SAMMSON: variants seen among roughly 807,000 people sequenced by gnomAD.
The protein encoded by SAMMSON is survival associated mitochondrial melanoma specific oncogenic non-coding RNA.
At chr3:70,422,390 A>G (rs1204107471) in intron 2 of SAMMSON, among the ~76,000 whole-genome samples, 2 of 152,044 alleles carry the variant, frequency 1.3e-5, no homozygotes, top group African/African-American at 2.4e-5. Flanking sequence ...TGCTTTTACC[A>G]TATTAATATT....
intron 4 of SAMMSON, among the ~76,000 whole-genome samples, chr3:70,210,197 G>C (rs1701329756): frequency 6.6e-6 from 1 of 152,122 alleles, no homozygotes; most frequent in Admixed American, 6.6e-5. Flanking sequence ...ACAATTTTAA[G>C]TATAGCATTT....
At chr3:70,347,854 C>G (rs1197776086) in intron 7 of SAMMSON, among the ~76,000 whole-genome samples, 1 of 152,114 alleles carries the variant, frequency 6.6e-6, no homozygotes, top group East Asian at 1.9e-4. Context: ...ACCAGCTTGG[C>G]CAACATGGCA....
At chr3:70,141,645 AT>A (rs2067528319) in intron 4 of SAMMSON, among the ~76,000 whole-genome samples, 1 of 152,218 alleles carries the variant, frequency 6.6e-6, no homozygotes, top group African/African-American at 2.4e-5. Flanking sequence ...AAAATAGTGT[AT>A]GTTTTTAAAT....
At chr3:70,062,198 T>C (rs1390000929) in intron 3 of SAMMSON, among the ~76,000 whole-genome samples, 1 of 151,980 alleles carries the variant, frequency 6.6e-6, no homozygotes, top group Admixed American at 6.6e-5. Context: ...CCCATACAAA[T>C]AATAATATCG....
At chr3:70,273,393 C>G (rs1206756149) in intron 6 of SAMMSON, among the ~76,000 whole-genome samples, 1 of 152,124 alleles carries the variant, frequency 6.6e-6, no homozygotes, top group Admixed American at 6.5e-5. Flanking sequence ...AAAGGGAAGT[C>G]TTAAAAGCTT....
intron 2 of SAMMSON, among the ~76,000 whole-genome samples, chr3:70,013,318 C>G (rs2066966672): frequency 6.6e-6 from 1 of 152,020 alleles, no homozygotes; most frequent in Non-Finnish European, 1.5e-5. Context: ...ATAAGAGTAG[C>G]CTCCTCAAAG....
At chr3:70,147,192 C>G (rs2067552475) in intron 4 of SAMMSON, among the ~76,000 whole-genome samples, 1 of 151,978 alleles carries the variant, frequency 6.6e-6, no homozygotes, top group South Asian at 2.1e-4. Flanking sequence ...GGAGCTACAT[C>G]TGGTGTTCAT....
At chr3:70,355,769 A>C (rs1237919590) in intron 8 of SAMMSON, among the ~76,000 whole-genome samples, 5 of 152,124 alleles carry the variant, frequency 3.3e-5, no homozygotes, top group Non-Finnish European at 4.4e-5. Context: ...AACACTCAGC[A>C]TAAGGAGTAG....
At chr3:70,215,305 C>A (rs1459591462) in intron 4 of SAMMSON, among the ~76,000 whole-genome samples, 2 of 152,066 alleles carry the variant, frequency 1.3e-5, no homozygotes. Context: ...CTTCTAATTC[C>A]TATGGCAGTC....
At chr3:70,303,529 G>C (rs1275954876) in intron 7 of SAMMSON, among the ~76,000 whole-genome samples, 1 of 152,140 alleles carries the variant, frequency 6.6e-6, no homozygotes, top group African/African-American at 2.4e-5. Context: ...TTCCCTTCTA[G>C]ATTGTGAGCT....
intron 6 of SAMMSON, among the ~76,000 whole-genome samples, chr3:70,285,841 C>T (rs1320256860): frequency 6.6e-6 from 1 of 152,088 alleles, no homozygotes; most frequent in African/African-American, 2.4e-5. Context: ...TGTTTTTTGG[C>T]TGCATAAATG....
At chr3:70,233,447 C>G (rs563239490) in intron 4 of SAMMSON, among the ~76,000 whole-genome samples, 1 of 152,146 alleles carries the variant, frequency 6.6e-6, no homozygotes, top group Non-Finnish European at 1.5e-5. Context: ...GATGATAAAG[C>G]TTCCCTTTTC....
At chr3:70,416,284 G>A (rs1170089939) in intron 2 of SAMMSON, among the ~76,000 whole-genome samples, 1 of 151,994 alleles carries the variant, frequency 6.6e-6, no homozygotes, top group East Asian at 1.9e-4. Context: ...TTCCCTTCAT[G>A]TCCAGTACAT....
intron 6 of SAMMSON, among the ~76,000 whole-genome samples, chr3:70,252,591 G>A (rs1701779680): frequency 6.6e-6 from 1 of 152,160 alleles, no homozygotes; most frequent in South Asian, 2.1e-4. Context: ...ACAGGAATGA[G>A]ATATCCATGG....
intron 4 of SAMMSON, among the ~76,000 whole-genome samples, chr3:70,082,848 G>A (rs2067271842): frequency 6.6e-6 from 1 of 152,174 alleles, no homozygotes; most frequent in African/African-American, 2.4e-5. Flanking sequence ...CTTCCTAACA[G>A]CCCCATGAGA....
At chr3:70,070,013 ATC>A (rs1381074686) in intron 3 of SAMMSON, 12 of 152,030 alleles carry the variant, frequency 7.9e-5, no homozygotes. Context: ...CCTTTCAGAA[ATC>A]TCTCTATAAG....
chr3:70,217,566 T>C (rs1701427180), intron 4 of SAMMSON, among the ~76,000 whole-genome samples: 1 of 152,148 alleles, frequency 6.6e-6, no homozygotes, highest in Non-Finnish European at 1.5e-5. Flanking sequence ...AACTTTGATT[T>C]AAGTGTCCAA....
chr3:70,195,555 A>C (rs1701167896), intron 4 of SAMMSON, among the ~76,000 whole-genome samples: 1 of 152,174 alleles, frequency 6.6e-6, no homozygotes, highest in Non-Finnish European at 1.5e-5. Context: ...TTTTGCCTGA[A>C]ATTACCTAAG....
intron 1 of SAMMSON, among the ~76,000 whole-genome samples, chr3:70,002,000 T>A (rs2066907655): frequency 6.6e-6 from 1 of 152,196 alleles, no homozygotes; most frequent in Non-Finnish European, 1.5e-5. Flanking sequence ...CAAAGAGAGT[T>A]AACCAAAGAC....
Sources: gnomAD v4.1 joint callset for allele counts (sites outside exome capture counted in the v4.1 genomes callset) on GRCh38, gnomAD v4.1.1 for gene constraint, MANE v1.5 for transcripts, NCBI Gene and HGNC (gene_info 2026-07-23, HGNC 2026-07-21) for gene names.